Variants in FGL1 observed in about 807,000 individuals in gnomAD.
The protein encoded by FGL1 is fibrinogen like 1.
A neutral mutation model predicts 43.7 loss-of-function variants in FGL1; 59 were observed. The observed-to-expected ratio is 1.35, with a 90% CI of 1.10 to 1.68. FGL1 has a LOEUF of 1.68. FGL1 is among the 40% of genes most tolerant of loss of function. The pLI, the probability that FGL1 is intolerant of heterozygous loss-of-function variation, is 0.00. For missense variants in FGL1, 596 were observed against 373.0 expected (o/e 1.60, Z -4.92); for synonymous variants, 192 against 126.5 (o/e 1.52, Z -3.48).
At chr8:17,881,115 T>A (rs2053528171) in intron 3 of FGL1, among the ~76,000 whole-genome samples, 1 of 150,122 alleles carries the variant, frequency 6.7e-6, no homozygotes, top group South Asian at 2.1e-4. Context: ...AATTCCCAAT[T>A]GTAATCTGCC....
chr8:17,886,172 G>A (rs1190289466), intron 1 of FGL1, among the ~76,000 whole-genome samples: 28 of 152,176 alleles, frequency 1.8e-4, no homozygotes, highest in Admixed American at 1.6e-3. Context: ...AGGCAAAATC[G>A]TTCTCAGAGG....
chr8:17,881,982 G>A lies in FGL1; in HGVS notation c.244+17C>T, dbSNP rs753591309. On this transcript the variant is annotated intron_variant, in intron 3 of 7. Transcript: ENST00000427924. ...TAATGTAAGTTATAGAAACACTTAAGAAAAGTCCATTCTGACCTGCATACT... is the reference window on the plus strand; with the variant it reads ...TAATGTAAGTTATAGAAACACTTAAAAAAAGTCCATTCTGACCTGCATACT... The A allele has an allele frequency of 1.2e-6, 2 of 1,609,174 alleles. No homozygotes were observed. The highest frequency in any genetic ancestry group is 2.2e-5 in the South Asian group (2 of 90,530).
At chr8:17,884,880 A>G (rs530416380) in intron 2 of FGL1, among the ~76,000 whole-genome samples, 1 of 152,264 alleles carries the variant, frequency 6.6e-6, no homozygotes, top group African/African-American at 2.4e-5. Context: ...ATTACTTTCA[A>G]ATAATCTGGT....
At chr8:17,882,874 T>C (rs1472714281) in intron 2 of FGL1, among the ~76,000 whole-genome samples, 1,037 of 97,748 alleles carry the variant, frequency 0.011, 33 homozygotes, top group African/African-American at 0.037. Context: ...ATATATTAAA[T>C]AATATATAAT....
At chr8:17,888,749 C>T (rs561845069) in intron 1 of FGL1, among the ~76,000 whole-genome samples, 2 of 151,980 alleles carry the variant, frequency 1.3e-5, no homozygotes, top group Admixed American at 6.6e-5. Flanking sequence ...GAAGTAAAAA[C>T]CATCCATTTA....
intron 3 of FGL1, among the ~76,000 whole-genome samples, chr8:17,881,070 A>C (rs1472526781): frequency 6.6e-6 from 1 of 152,162 alleles, no homozygotes; most frequent in Non-Finnish European, 1.5e-5. Flanking sequence ...ACATGCAACA[A>C]GGAAAGATAC....
chr8:17,889,019 G>C lies in FGL1; in HGVS notation c.-17-3448C>G, dbSNP rs537104415. On this transcript the variant is annotated intron_variant, in intron 1 of 7. Transcript: ENST00000427924. Reference sequence around the variant, plus strand: ...AATAATTGCTAAACAGGCTTGATGGGACAGTAAGCGTAGTTCCACAAAGAT... The same window carrying C: ...AATAATTGCTAAACAGGCTTGATGGCACAGTAAGCGTAGTTCCACAAAGAT... 2.6e-5 allele frequency among the ~76,000 whole-genome samples: 4 copies of C among 152,210 alleles called. No homozygotes were observed. In the South Asian group the frequency reaches 8.3e-4, roughly 32 times the overall value.
intron 1 of FGL1, among the ~76,000 whole-genome samples, chr8:17,890,962 G>A (rs1405042813): frequency 6.6e-6 from 1 of 152,102 alleles, no homozygotes; most frequent in Non-Finnish European, 1.5e-5. Context: ...GATTTGGGTG[G>A]AGACACACGC....
At chr8:17,870,893 A>G (rs2053348536) in intron 5 of FGL1, among the ~76,000 whole-genome samples, 1 of 151,680 alleles carries the variant, frequency 6.6e-6, no homozygotes, top group Non-Finnish European at 1.5e-5. Context: ...CTACAGAGTG[A>G]GACTCTGTCT....
At chr8:17,877,158 G>T (rs2053468559) in intron 3 of FGL1, among the ~76,000 whole-genome samples, 1 of 151,872 alleles carries the variant, frequency 6.6e-6, no homozygotes, top group African/African-American at 2.4e-5. Context: ...TTTTCAAAAT[G>T]TTCTGACCCA....
chr8:17,864,827 T>C (rs939059238), intron 7 of FGL1, 76 bp from the exon 8 acceptor site: 1 of 1,230,586 alleles, frequency 8.1e-7, no homozygotes, highest in East Asian at 3.0e-5. Flanking sequence ...TTTATTTTGC[T>C]ACAAATGCTC....
At chr8:17,876,783 T>C (rs2053463584) in intron 3 of FGL1, among the ~76,000 whole-genome samples, 1 of 152,222 alleles carries the variant, frequency 6.6e-6, no homozygotes, top group African/African-American at 2.4e-5. Context: ...TGATTAGCTA[T>C]AACATTTGCC....
intron 7 of FGL1, among the ~76,000 whole-genome samples, chr8:17,866,251 T>C (rs34008636): frequency 0.049 from 7,494 of 152,234 alleles, 205 homozygotes; most frequent in East Asian, 0.073. Context: ...TAGGGGATGA[T>C]TGGGTCTTCC....
chr8:17,871,118 C>G (rs529593894), intron 5 of FGL1, among the ~76,000 whole-genome samples: 224 of 152,012 alleles, frequency 1.5e-3, no homozygotes, highest in Non-Finnish European at 2.7e-3. Flanking sequence ...GGAGCTCTCT[C>G]AAGGTAGTAA....
chr8:17,875,578 T>C (rs1478931438), intron 3 of FGL1, among the ~76,000 whole-genome samples: 9 of 24,328 alleles, frequency 3.7e-4, no homozygotes, highest in African/African-American at 6.6e-4. Flanking sequence ...TCTTTCTTTC[T>C]TTCTTTCTTT....
At chr8:17,886,547 C>T (rs901241759) in intron 1 of FGL1, among the ~76,000 whole-genome samples, 1 of 152,086 alleles carries the variant, frequency 6.6e-6, no homozygotes, top group Non-Finnish European at 1.5e-5. Flanking sequence ...CACTCGAGGT[C>T]AGGAGCTCGA....
chr8:17,880,263 T>G (rs1398758143), intron 3 of FGL1, among the ~76,000 whole-genome samples: 1 of 152,164 alleles, frequency 6.6e-6, no homozygotes, highest in African/African-American at 2.4e-5. Flanking sequence ...GCGAGGAGTC[T>G]GAGCAGAGGG....
chr8:17,876,158 C>T (rs1159927547), intron 3 of FGL1, among the ~76,000 whole-genome samples: 1 of 152,158 alleles, frequency 6.6e-6, no homozygotes, highest in Non-Finnish European at 1.5e-5. Flanking sequence ...ACCCTTATCG[C>T]TTTGTTAATT....
At chr8:17,874,576 C>CCA (rs2053417255) in intron 3 of FGL1, 55 bp from the exon 4 acceptor site, 1 of 1,446,628 alleles carries the variant, frequency 6.9e-7, no homozygotes, top group Non-Finnish European at 9.5e-7. Flanking sequence ...TCTCCCCCCG[C>CCA]CTTAGGGAGC....
Sources: gnomAD v4.1 joint callset for allele counts (sites outside exome capture counted in the v4.1 genomes callset) on GRCh38, gnomAD v4.1.1 for gene constraint, MANE v1.5 for transcripts, NCBI Gene and HGNC (gene_info 2026-07-23, HGNC 2026-07-21) for gene names.